Variants in CNBP observed in about 807,000 individuals in gnomAD.
CNBP encodes cellular nucleic acid-binding protein.
Under a neutral mutation model 21.2 loss-of-function variants are expected in CNBP, and 6 were observed. The ratio of observed to expected loss-of-function variants is 0.28; its 90% confidence interval spans 0.16 to 0.56. The LOEUF (loss-of-function observed/expected upper bound fraction) is 0.56, where lower values mean the gene tolerates loss of function less well. Among genes scored for constraint, CNBP ranks in the 20% least tolerant of loss-of-function variants. The pLI is 0.93. For synonymous variants in CNBP, 61 were observed against 74.9 expected (o/e 0.81, Z 0.96); for missense variants, 112 against 233.1 (o/e 0.48, Z 3.38).
At position 129,168,060 on chromosome 3, in the gene CNBP, C is replaced by A. The variant is rs1937486976; in HGVS notation, c.*2393G>T. Among the ~76,000 whole-genome samples, 1 of 152,104 alleles carries A rather than the reference C, an allele frequency of 6.6e-6. No homozygotes were observed. Among genetic ancestry groups the A allele is most frequent in the South Asian group, 2.1e-4 (1 of 4,834 alleles). On this transcript the variant is annotated 3_prime_UTR_variant, in exon 5 of 5. Coordinates refer to ENST00000422453, the MANE Select transcript of CNBP (RefSeq NM_003418.5). Reference sequence around the variant, plus strand: ...TATACCATGAACTGACAGAACCCTGCATGAAGGATGAAAAACTCATACCCA... The same window carrying A: ...TATACCATGAACTGACAGAACCCTGAATGAAGGATGAAAAACTCATACCCA...
intron 1 of CNBP, among the ~76,000 whole-genome samples, chr3:129,172,070 C>G (rs1391913048): frequency 6.6e-6 from 1 of 151,864 alleles, no homozygotes; most frequent in Non-Finnish European, 1.5e-5. Flanking sequence ...ACTTGGGAGG[C>G]TGAGGCAGGA....
intron 1 of CNBP, among the ~76,000 whole-genome samples, chr3:129,183,116 A>G (rs934856462): frequency 1.3e-5 from 2 of 151,910 alleles, no homozygotes; most frequent in African/African-American, 4.8e-5. Flanking sequence ...ATGCCCGGCT[A>G]ATTTTTTATT....
chr3:129,178,360 T>A (rs1018873298), intron 1 of CNBP, among the ~76,000 whole-genome samples: 1 of 152,022 alleles, frequency 6.6e-6, no homozygotes, highest in Non-Finnish European at 1.5e-5. Flanking sequence ...AAAACAAATA[T>A]AGTAAACTAC....
rs35402218 is a variant in CNBP at position 129,172,154 on chromosome 3, T to C, written c.-14-383A>G. On this transcript the variant is annotated intron_variant, in intron 1 of 4. Coordinates refer to ENST00000422453, the MANE Select transcript of CNBP (RefSeq NM_003418.5). The stretch of plus-strand genomic sequence containing the variant: ...CCACTGTACTCCAGCCTGGGCAACA[T>C]TGAGACTCTGTCTCAAAAAAATAAA... 5.6e-3 allele frequency among the ~76,000 whole-genome samples: 846 copies of C among 151,990 alleles called. 4 individuals carry two copies. Among genetic ancestry groups the C allele is most frequent in the African/African-American group, 0.016 (643 of 41,446 alleles).
Position 129,171,506 on chromosome 3 carries a change from T to C in CNBP, c.157A>G (p.Ile53Val). Residue 53 changes from isoleucine (I) to valine (V), a missense_variant, in exon 3 of 5, where the codon ATT (isoleucine) becomes GTT (valine). By Grantham distance (29) the Ile-to-Val change is conservative (BLOSUM62 3). Transcript: ENST00000422453. Reference sequence around the variant, plus strand: ...CCAGACTCACCACAGCGATAACAAATGTCTGGAAGAGACGAGGAAACAAAC... The same window carrying C: ...CCAGACTCACCACAGCGATAACAAACGTCTGGAAGAGACGAGGAAACAAAC... ...FQFVSSSLPDICYRCGESGHL... is the reference protein window; with the variant it reads ...FQFVSSSLPDVCYRCGESGHL... The C allele has an allele frequency of 3.1e-6, 5 of 1,614,032 alleles. No homozygotes were observed. The highest frequency in any genetic ancestry group is 4.2e-6 in the Non-Finnish European group (5 of 1,179,928).
At chr3:129,172,689 CAG>C (rs1366868065) in intron 1 of CNBP, among the ~76,000 whole-genome samples, 10,176 of 95,250 alleles carry the variant, frequency 0.11, 456 homozygotes, top group Non-Finnish European at 0.13. Context: ...GACAGACAGA[CAG>C]ACAGACACAC....
In CNBP at chr3:129,169,920, A is replaced by G. The variant is rs1314638367; in HGVS notation, c.*533T>C. 4.3e-6 allele frequency: 1 copy of G among 231,284 alleles called. No individual in the cohort carries two copies. Among genetic ancestry groups the G allele is most frequent in the African/African-American group, 2.2e-5 (1 of 45,102 alleles). 14.3% of individuals were successfully genotyped at this position (231,284 alleles called of 1,614,324 possible). On this transcript the variant is annotated 3_prime_UTR_variant, in exon 5 of 5. Coordinates refer to ENST00000422453, the MANE Select transcript of CNBP (RefSeq NM_003418.5). ...TGTTCCTGTTTAGGCTTTTATTCCG[A>G]TTTCTCTCGAACAGCCATTAACACG...
chr3:129,183,535 G>C (rs776405099), intron 1 of CNBP, among the ~76,000 whole-genome samples: 9 of 152,220 alleles, frequency 5.9e-5, no homozygotes, highest in Non-Finnish European at 1.2e-4. Flanking sequence ...CGAAAGACCC[G>C]CATGCTCGGC....
At position 129,168,369 on chromosome 3, in the gene CNBP, G is replaced by A. The variant is rs1937500145; in HGVS notation, c.*2084C>T. ...GAAACCCAGGAAAAGGTGGGGCACA[G>A]TGGCTCACCTGAGGGCAACAGTTGG... On this transcript the variant is annotated 3_prime_UTR_variant, in exon 5 of 5. Coordinates refer to ENST00000422453, the MANE Select transcript of CNBP (RefSeq NM_003418.5). Among the ~76,000 whole-genome samples the A allele has an allele frequency of 1.3e-5, 2 of 152,032 alleles. No homozygotes were observed. The highest frequency in any genetic ancestry group is 2.9e-5 in the Non-Finnish European group (2 of 68,012).
At position 129,172,703 on chromosome 3, in the gene CNBP, C is replaced by G. The variant is rs868373904; in HGVS notation, c.-14-932G>C. 2.8e-3 allele frequency among the ~76,000 whole-genome samples: 398 copies of G among 144,490 alleles called. 1 individual carries two copies. Among genetic ancestry groups the G allele is most frequent in the African/African-American group, 0.01 (371 of 36,642 alleles). The allele number at this position is 144,490 out of a possible 152,430, so 94.8% of individuals were successfully genotyped here. ...AGACAGACAGACAGACAGACACACA[C>G]ACACACACACACACACACACACACA... On this transcript the variant is annotated intron_variant, in intron 1 of 4. Transcript: ENST00000422453.
At chr3:129,177,771 T>C (rs1170359304) in intron 1 of CNBP, among the ~76,000 whole-genome samples, 1 of 152,210 alleles carries the variant, frequency 6.6e-6, no homozygotes, top group Non-Finnish European at 1.5e-5. Flanking sequence ...TAAGTTTCCA[T>C]TTTTGTGTAT....
At chr3:129,181,377 G>A (rs910027768) in intron 1 of CNBP, among the ~76,000 whole-genome samples, 31 of 151,646 alleles carry the variant, frequency 2.0e-4, no homozygotes, top group Admixed American at 1.5e-3. Context: ...AACCTGGCCA[G>A]GCGCGGTGGC....
rs372368171 is a variant in CNBP at position 129,169,894 on chromosome 3, T to C, written c.*559A>G. The C allele has an allele frequency of 4.3e-6, 1 of 230,522 alleles. No homozygotes were observed. The highest frequency in any genetic ancestry group is 8.6e-6 in the Non-Finnish European group (1 of 116,236). The allele number at this position is 230,522 out of a possible 1,614,324, so 14.3% of individuals were successfully genotyped here. On this transcript the variant is annotated 3_prime_UTR_variant, in exon 5 of 5. Transcript: ENST00000422453. The stretch of plus-strand genomic sequence containing the variant: ...GTCCAACATCAACACTGTGATGAAG[T>C]TGTTCCTGTTTAGGCTTTTATTCCG...
rs1378377408 is a variant in CNBP at position 129,171,546 on chromosome 3, G to A, written c.125-8C>T. On this transcript the variant is annotated splice_region_variant and splice_polypyrimidine_tract_variant and intron_variant, in intron 2 of 4. Coordinates refer to ENST00000422453, the MANE Select transcript of CNBP (RefSeq NM_003418.5). ...AGGAAACAAACTGGAAACCTGTTTTGAGCAAAAACAAAGAATTCGGCTAGT... is the reference window on the plus strand; with the variant it reads ...AGGAAACAAACTGGAAACCTGTTTTAAGCAAAAACAAAGAATTCGGCTAGT... 3 of 1,613,690 alleles carry A rather than the reference G, an allele frequency of 1.9e-6. No individual in the cohort carries two copies. The highest frequency in any genetic ancestry group is 2.7e-5 in the African/African-American group (2 of 74,940).
intron 1 of CNBP, among the ~76,000 whole-genome samples, chr3:129,181,259 A>C (rs1177539453): frequency 6.6e-6 from 1 of 150,490 alleles, no homozygotes; most frequent in African/African-American, 2.4e-5. Flanking sequence ...AAAAAAAAAA[A>C]AAAAAAAGAC....
At chr3:129,172,639 GGC>G (rs1276877300) in intron 1 of CNBP, among the ~76,000 whole-genome samples, 22 of 57,860 alleles carry the variant, frequency 3.8e-4, no homozygotes, top group Non-Finnish European at 5.4e-4. Flanking sequence ...CAGGCAGGCA[GGC>G]AGGCAGGCAG....
At chr3:129,181,581 C>T (rs1938295844) in intron 1 of CNBP, among the ~76,000 whole-genome samples, 3 of 140,436 alleles carry the variant, frequency 2.1e-5, no homozygotes, top group Middle Eastern at 3.9e-3. Context: ...ATCCGGGAGG[C>T]GGAGGTCGCA....
intron 1 of CNBP, among the ~76,000 whole-genome samples, chr3:129,179,702 A>G (rs1479891546): frequency 6.6e-6 from 1 of 152,084 alleles, no homozygotes; most frequent in Non-Finnish European, 1.5e-5. Flanking sequence ...TCTACTAAAT[A>G]TACAAAAATT....
chr3:129,171,025 C>T lies in CNBP; in HGVS notation c.416+54G>A, dbSNP rs536735960. On this transcript the variant is annotated intron_variant, in intron 4 of 4. Coordinates refer to ENST00000422453, the MANE Select transcript of CNBP (RefSeq NM_003418.5). ...GCCCTTCCATTTATAGCTAATTCAT[C>T]TCTGGAAGAATCTCTGCAATGAGTT... 1.9e-4 allele frequency: 298 copies of T among 1,543,164 alleles called. 1 individual carries two copies. In the African/African-American group the frequency reaches 3.7e-3, roughly 19 times the overall value.
Sources: allele counts gnomAD v4.1 joint callset (sites outside exome capture counted in the v4.1 genomes callset), GRCh38; gene constraint gnomAD v4.1.1; transcripts MANE v1.5; gene names NCBI Gene and HGNC (gene_info 2026-07-23, HGNC 2026-07-21).